CNTNAP2: variants seen among roughly 807,000 people sequenced by gnomAD.
The protein encoded by CNTNAP2 is contactin associated protein 2.
In CNTNAP2, 98 loss-of-function variants were observed where a neutral mutation model predicts 155.2. The observed-to-expected ratio is 0.63, with a 90% CI of 0.54 to 0.75. CNTNAP2 has a LOEUF of 0.75. Among genes scored for constraint, CNTNAP2 ranks in the 30% least tolerant of loss-of-function variants. The pLI, the probability that CNTNAP2 is intolerant of heterozygous loss-of-function variation, is 0.00. For missense variants in CNTNAP2, 1,727 were observed against 1,688.1 expected (o/e 1.02, Z -0.40); for synonymous variants, 651 against 631.2 (o/e 1.03, Z -0.47).
rs142548739 is a variant in CNTNAP2, at chr7:148,325,191, G to C, written c.3475+58065G>C. On this transcript the variant is annotated intron_variant, in intron 21 of 23. Coordinates refer to ENST00000361727, the MANE Select transcript of CNTNAP2 (RefSeq NM_014141.6). ...ATAAGATTCTAAAGCCTTGAAAGCA[G>C]TAATATAGAATCTCCTTAAATACAA... 4.2e-3 allele frequency among the ~76,000 whole-genome samples: 642 copies of C among 152,314 alleles called. 2 individuals are homozygous for C. Among genetic ancestry groups the C allele is most frequent in the Middle Eastern group, 0.024 (7 of 294 alleles).
At chr7:147,577,906 T>C (rs1213029251) in intron 12 of CNTNAP2, among the ~76,000 whole-genome samples, 1 of 152,114 alleles carries the variant, frequency 6.6e-6, no homozygotes, top group East Asian at 1.9e-4. Context: ...TTCCAGATTC[T>C]ATTTATTAAG....
At chr7:148,118,389 G>A in intron 16 of CNTNAP2, 101 bp downstream of exon 16, 3 of 1,301,142 alleles carry the variant, frequency 2.3e-6, no homozygotes, top group East Asian at 2.5e-5. Context: ...AACGTGGAAG[G>A]TTTCCTTTGT....
At chr7:147,597,702 C>T (rs1220418432) in intron 12 of CNTNAP2, among the ~76,000 whole-genome samples, 1 of 152,156 alleles carries the variant, frequency 6.6e-6, no homozygotes. Context: ...ATGTCTAAAT[C>T]CCCCATCCTT....
At chr7:146,921,639 C>T (rs190330626) in intron 3 of CNTNAP2, among the ~76,000 whole-genome samples, 18 of 152,138 alleles carry the variant, frequency 1.2e-4, no homozygotes, top group African/African-American at 3.9e-4. Context: ...ATCACTACTA[C>T]GAGAACAGTA....
chr7:147,346,712 T>C (rs1470297597), intron 9 of CNTNAP2, among the ~76,000 whole-genome samples: 2 of 152,218 alleles, frequency 1.3e-5, no homozygotes, highest in African/African-American at 4.8e-5. Flanking sequence ...TTTTAAAATT[T>C]ATAGACTGAC....
intron 3 of CNTNAP2, among the ~76,000 whole-genome samples, chr7:146,985,379 G>T (rs1467485165): frequency 6.9e-6 from 1 of 145,926 alleles, no homozygotes; most frequent in Non-Finnish European, 1.5e-5. Flanking sequence ...GTGCAGTGGT[G>T]CAGTCTCGGC....
intron 8 of CNTNAP2, among the ~76,000 whole-genome samples, chr7:147,288,437 T>G (rs147792412): frequency 7.0e-4 from 107 of 152,308 alleles, no homozygotes; most frequent in African/African-American, 2.4e-3. Context: ...GAAGGAGAAC[T>G]GTAAAAGGGC....
At chr7:147,983,346 G>T (rs1490378966) in intron 15 of CNTNAP2, among the ~76,000 whole-genome samples, 1 of 151,788 alleles carries the variant, frequency 6.6e-6, no homozygotes. Context: ...AAGGAAAAGG[G>T]ACTAGCATGC....
At chr7:146,553,788 T>A (rs554064181) in intron 1 of CNTNAP2, among the ~76,000 whole-genome samples, 4 of 152,116 alleles carry the variant, frequency 2.6e-5, no homozygotes, top group South Asian at 2.1e-4. Flanking sequence ...AAAAAAAAAA[T>A]ACATTCATAC....
intron 9 of CNTNAP2, among the ~76,000 whole-genome samples, chr7:147,361,085 A>G (rs1369981211): frequency 2.6e-5 from 4 of 152,208 alleles, no homozygotes; most frequent in African/African-American, 9.6e-5. Context: ...GGAACTTATC[A>G]TTTAAAGAAA....
intron 11 of CNTNAP2, among the ~76,000 whole-genome samples, chr7:147,544,813 T>A (rs1231429606): frequency 6.6e-6 from 1 of 152,126 alleles, no homozygotes; most frequent in African/African-American, 2.4e-5. Context: ...GATGGTTTTA[T>A]AAGGGGTGTC....
chr7:147,422,343 A>C (rs548922481), intron 10 of CNTNAP2, among the ~76,000 whole-genome samples: 38 of 151,168 alleles, frequency 2.5e-4, no homozygotes, highest in African/African-American at 9.0e-4. Flanking sequence ...CCCTGAATTT[A>C]TACACTATGT....
chr7:146,295,049 A>G (rs889776408), intron 1 of CNTNAP2, among the ~76,000 whole-genome samples: 13 of 152,228 alleles, frequency 8.5e-5, no homozygotes. Flanking sequence ...AATTGATTGC[A>G]TATTCAGTTA....
chr7:147,028,382 A>G (rs918251856), intron 3 of CNTNAP2, among the ~76,000 whole-genome samples: 2 of 152,214 alleles, frequency 1.3e-5, no homozygotes, highest in South Asian at 2.1e-4. Flanking sequence ...TGGAAAGGTG[A>G]GTTAGTTAAA....
intron 1 of CNTNAP2, among the ~76,000 whole-genome samples, chr7:146,349,369 C>A (rs1794877460): frequency 6.6e-6 from 1 of 152,144 alleles, no homozygotes; most frequent in Non-Finnish European, 1.5e-5. Context: ...AACATAGTAG[C>A]TCTCATTTCT....
intron 21 of CNTNAP2, among the ~76,000 whole-genome samples, chr7:148,267,554 C>T (rs1265117392): frequency 6.7e-6 from 1 of 150,026 alleles, no homozygotes; most frequent in East Asian, 2.0e-4. Context: ...ACTCGGGAGG[C>T]TGAGGCAGGA....
chr7:146,848,323 C>A (rs533334655), intron 3 of CNTNAP2, among the ~76,000 whole-genome samples: 1 of 152,118 alleles, frequency 6.6e-6, no homozygotes, highest in Non-Finnish European at 1.5e-5. Context: ...ATTTACAGTG[C>A]AAATTGCAGA....
intron 1 of CNTNAP2, among the ~76,000 whole-genome samples, chr7:146,616,020 T>C (rs1799217972): frequency 6.6e-6 from 1 of 152,216 alleles, no homozygotes; most frequent in Non-Finnish European, 1.5e-5. Context: ...AGAATTTTAG[T>C]ATGACAATGG....
intron 13 of CNTNAP2, among the ~76,000 whole-genome samples, chr7:147,648,137 A>G (rs1356240228): frequency 6.6e-6 from 1 of 152,190 alleles, no homozygotes; most frequent in African/African-American, 2.4e-5. Flanking sequence ...AATGTTTGAT[A>G]TTTTTAGGGA....
Sources: allele counts gnomAD v4.1 joint callset (sites outside exome capture counted in the v4.1 genomes callset), GRCh38; gene constraint gnomAD v4.1.1; transcripts MANE v1.5; gene names NCBI Gene and HGNC (gene_info 2026-07-23, HGNC 2026-07-21).